The following KCNB2 variants were observed in gnomAD, a reference collection of about 807,000 sequenced individuals.
KCNB2 encodes the protein potassium voltage-gated channel subfamily B member 2.
KCNB2 carries 15 observed loss-of-function variants against 61.5 expected under a neutral mutation model. That is an observed-to-expected ratio of 0.24 (90% CI 0.16 to 0.38). The LOEUF is 0.38. KCNB2 is among the 10% of genes least tolerant of loss of function. KCNB2 has a pLI of 1.00. For missense variants in KCNB2, 828 were observed against 1,125.2 expected, an observed-to-expected ratio of 0.74 and a Z score of 3.78; for synonymous variants, 457 against 446.0, an observed-to-expected ratio of 1.02 and a Z score of -0.31.
At chr8:72,782,058 C>T (rs945739278) in intron 2 of KCNB2, among the ~76,000 whole-genome samples, 1 of 152,118 alleles carries the variant, frequency 6.6e-6, no homozygotes, top group Non-Finnish European at 1.5e-5. Flanking sequence ...CACCATGGCA[C>T]ACATTTACCT....
Position 72,938,006 on chromosome 8 carries a change from A to G in KCNB2, c.2651A>G (p.Lys884Arg). Residue 884 changes from lysine (K) to arginine (R), a missense_variant, in exon 3 of 3, where the codon AAG (lysine) becomes AGG (arginine). Physicochemically the swap from Lys to Arg is conservative, Grantham distance 26 (BLOSUM62 2). Around this residue, in one of 4 missense-constraint regions of KCNB2, gnomAD observed 559 missense variants for 588.4 expected, o/e 0.95. Transcript: ENST00000523207. ...VKKDSSQEGCKMENHLFAPEI... is the reference protein window; with the variant it reads ...VKKDSSQEGCRMENHLFAPEI... ...AAGGACAGTAGTCAAGAAGGGTGCA[A>G]GATGGAAAATCACTTGTTTGCCCCA... The G allele has an allele frequency of 6.2e-7, 1 of 1,614,196 alleles. No individual in the cohort carries two copies. The highest frequency in any genetic ancestry group is 8.5e-7 in the Non-Finnish European group (1 of 1,180,022).
chr8:72,540,030 A>G (rs904258422), intron 1 of KCNB2, among the ~76,000 whole-genome samples: 2 of 152,196 alleles, frequency 1.3e-5, no homozygotes, highest in African/African-American at 4.8e-5. Flanking sequence ...ACCTGCCTGC[A>G]TGTCTACAAA....
chr8:72,631,938 T>C (rs1805888323), intron 2 of KCNB2, among the ~76,000 whole-genome samples: 1 of 152,046 alleles, frequency 6.6e-6, no homozygotes, highest in Non-Finnish European at 1.5e-5. Context: ...GTTTTTACAT[T>C]TTTAAAGGGT....
chr8:72,809,362 C>A (rs1365371065), intron 2 of KCNB2, among the ~76,000 whole-genome samples: 2 of 152,132 alleles, frequency 1.3e-5, no homozygotes, highest in African/African-American at 2.4e-5. Flanking sequence ...ATCTCATTTT[C>A]TCCCAATGGC....
chr8:72,913,871 G>A (rs1402928916), intron 2 of KCNB2, among the ~76,000 whole-genome samples: 1 of 152,158 alleles, frequency 6.6e-6, no homozygotes, highest in African/African-American at 2.4e-5. Flanking sequence ...CTTGTGACAT[G>A]TCAGTTGGTT....
At chr8:72,653,991 A>G (rs1806251723) in intron 2 of KCNB2, among the ~76,000 whole-genome samples, 1 of 152,164 alleles carries the variant, frequency 6.6e-6, no homozygotes, top group African/African-American at 2.4e-5. Flanking sequence ...AGGAAGAGGA[A>G]ATTCTGTTAA....
chr8:72,913,363 A>G (rs142489530), intron 2 of KCNB2, among the ~76,000 whole-genome samples: 159 of 152,358 alleles, frequency 1.0e-3, no homozygotes, highest in African/African-American at 3.7e-3. Context: ...GTTGTAAGAT[A>G]CAGAGTCTTC....
At chr8:72,708,540 A>G (rs1021561473) in intron 2 of KCNB2, among the ~76,000 whole-genome samples, 3 of 152,186 alleles carry the variant, frequency 2.0e-5, no homozygotes, top group African/African-American at 7.2e-5. Flanking sequence ...TCTCTCATCA[A>G]GGGTTGAAAC....
chr8:72,688,253 C>A (rs1440424449), intron 2 of KCNB2, among the ~76,000 whole-genome samples: 1 of 152,088 alleles, frequency 6.6e-6, no homozygotes, highest in Non-Finnish European at 1.5e-5. Flanking sequence ...AATCCGAGAG[C>A]CCTTTTGAGC....
intron 2 of KCNB2, among the ~76,000 whole-genome samples, chr8:72,814,118 G>A (rs1218825692): frequency 6.6e-6 from 1 of 151,872 alleles, no homozygotes; most frequent in Non-Finnish European, 1.5e-5. Flanking sequence ...TGCTTTTTTT[G>A]TATCTAGTTT....
At chr8:72,625,623 G>T (rs749068551) in intron 2 of KCNB2, among the ~76,000 whole-genome samples, 2 of 152,060 alleles carry the variant, frequency 1.3e-5, no homozygotes, top group Non-Finnish European at 2.9e-5. Flanking sequence ...TAGAGACAGG[G>T]TCTCACTTTA....
rs562623832 is a variant in KCNB2 at position 72,743,872 on chromosome 8, C to T, written c.579+175559C>T. On this transcript the variant is annotated intron_variant, in intron 2 of 2. Coordinates refer to ENST00000523207, the MANE Select transcript of KCNB2 (RefSeq NM_004770.3). ...TTAGAAAAATATGAGAAAATAATTG[C>T]TCCATAAGTCTTTTTCCTGTAGTTA... Among the ~76,000 whole-genome samples the T allele has an allele frequency of 1.1e-4, 17 of 151,770 alleles. No individual in the cohort carries two copies. The East Asian group carries it at 3.1e-3, about 28-fold the overall frequency.
intron 2 of KCNB2, among the ~76,000 whole-genome samples, chr8:72,585,705 G>GA (rs1185175109): frequency 6.6e-6 from 1 of 152,052 alleles, no homozygotes; most frequent in Non-Finnish European, 1.5e-5. Flanking sequence ...ATCAATGATG[G>GA]AAAAAAGAGA....
chr8:72,771,189 G>A lies in KCNB2; in HGVS notation c.580-164746G>A, dbSNP rs183526860. ...AGGGATACATTAACCAAAAAGTTGT[G>A]ATGATAAAAAGGAGGAAGATGATAT... On this transcript the variant is annotated intron_variant, in intron 2 of 2. Coordinates refer to ENST00000523207, the MANE Select transcript of KCNB2 (RefSeq NM_004770.3). Among the ~76,000 whole-genome samples the A allele has an allele frequency of 2.0e-4, 30 of 152,290 alleles. 1 individual carries two copies. The highest frequency in any genetic ancestry group is 9.8e-4 in the Admixed American group (15 of 15,294).
chr8:72,571,199 G>T (rs1290007718), intron 2 of KCNB2, among the ~76,000 whole-genome samples: 1 of 152,178 alleles, frequency 6.6e-6, no homozygotes, highest in Non-Finnish European at 1.5e-5. Context: ...AATCAGTTAA[G>T]TAATAATTGT....
chr8:72,906,647 TG>T (rs1348454012), intron 2 of KCNB2, among the ~76,000 whole-genome samples: 1 of 152,134 alleles, frequency 6.6e-6, no homozygotes, highest in East Asian at 1.9e-4. Context: ...CGTAAGAGAG[TG>T]ACTCACAATG....
At chr8:72,576,695 C>A (rs1375998261) in intron 2 of KCNB2, among the ~76,000 whole-genome samples, 1 of 152,190 alleles carries the variant, frequency 6.6e-6, no homozygotes, top group Non-Finnish European at 1.5e-5. Flanking sequence ...CTTACTGTAT[C>A]TATCAGCAAC....
At chr8:72,592,355 A>G (rs1280198846) in intron 2 of KCNB2, among the ~76,000 whole-genome samples, 4 of 152,186 alleles carry the variant, frequency 2.6e-5, no homozygotes, top group African/African-American at 9.7e-5. Flanking sequence ...CAAACAATAC[A>G]TCAGTATATA....
Position 72,936,026 on chromosome 8 carries a change from T to C in KCNB2, c.671T>C (p.Phe224Ser). The C allele has an allele frequency of 6.2e-7, 1 of 1,614,174 alleles. No individual in the cohort carries two copies. Among genetic ancestry groups the C allele is most frequent in the Admixed American group, 1.7e-5 (1 of 60,020 alleles). ...CCGGAGCTGCAGGAAACGGACGAAT[T>C]TGGACAACTCAATGACAACCGCCAA... ...TLPELQETDE[F>S]GQLNDNRQLA... Residue 224 changes from phenylalanine to serine, a missense_variant, in exon 3 of 3, where the codon TTT becomes TCT. This residue lies in a region of KCNB2 where 163 missense variants were observed against 314.4 expected (regional missense o/e 0.52). Transcript: ENST00000523207. This position sits in a 1 kb window ranked among gnomAD's most constrained non-coding sequence, Gnocchi z 5.6.
Sources: allele counts gnomAD v4.1 joint callset (sites outside exome capture counted in the v4.1 genomes callset), GRCh38; gene constraint gnomAD v4.1.1; regional missense constraint gnomAD v4.1.1; non-coding constraint Gnocchi (gnomAD v3.1); transcripts MANE v1.5; gene names NCBI Gene and HGNC (gene_info 2026-07-23, HGNC 2026-07-21).